CDH4: variants seen among roughly 807,000 people sequenced by gnomAD.
The protein encoded by CDH4 is cadherin-4.
A neutral mutation model predicts 86.0 loss-of-function variants in CDH4; 33 were observed. The ratio of observed to expected loss-of-function variants is 0.38; its 90% CI spans 0.29 to 0.51. CDH4 has a LOEUF of 0.51. Ranked by LOEUF, CDH4 falls within the 20% of genes least tolerant of loss-of-function variation. CDH4 has a pLI of 0.86. For missense variants in CDH4, 1,114 were observed against 1,307.4 expected, an observed-to-expected ratio of 0.85 and a Z score of 2.28; for synonymous variants, 555 against 549.4, an observed-to-expected ratio of 1.01 and a Z score of -0.14.
intron 2 of CDH4, among the ~76,000 whole-genome samples, chr20:61,528,902 G>A (rs1024150301): frequency 2.7e-5 from 4 of 150,896 alleles, no homozygotes; most frequent in African/African-American, 4.9e-5. Flanking sequence ...TATTATTACA[G>A]ATTTCTTACG....
At chr20:61,900,465 T>C (rs3787407) in intron 8 of CDH4, among the ~76,000 whole-genome samples, 113,155 of 151,794 alleles carry the variant, frequency 0.75, 44,552 homozygotes, top group Non-Finnish European at 0.88. Flanking sequence ...TTGCTCCTCC[T>C]ACCAGGGACG....
At position 61,408,733 on chromosome 20, in the gene CDH4, A is replaced by T. The variant is rs1039248099; in HGVS notation, c.169+153796A>T. Among the ~76,000 whole-genome samples, 34 of 24,152 alleles carry T rather than the reference A, an allele frequency of 1.4e-3. No homozygotes were observed. In the Middle Eastern group the frequency reaches 0.083, roughly 59 times the overall value. The allele number at this position is 24,152 out of a possible 152,430, so 15.8% of individuals were successfully genotyped here. A position where few individuals can be genotyped will look rare whatever the true frequency, so the allele number is the denominator to read the frequency against. On this transcript the variant is annotated intron_variant, in intron 2 of 15. Coordinates refer to ENST00000614565, the MANE Select transcript of CDH4 (RefSeq NM_001794.5). Reference sequence around the variant, plus strand: ...TCCATTTCATTTTGCATACAACACCATGGAATCACATGATGGAGAGTGAAG... The same window carrying T: ...TCCATTTCATTTTGCATACAACACCTTGGAATCACATGATGGAGAGTGAAG...
rs192783989 is a variant in CDH4, at chr20:61,711,590, C to G, written c.170-31973C>G. ...AAGGACGCTGTGAGGACACAGAGCC[C>G]ACCCAGATCATCTGGGATAATCTCC... On this transcript the variant is annotated intron_variant, in intron 2 of 15. Coordinates refer to ENST00000614565, the MANE Select transcript of CDH4 (RefSeq NM_001794.5). 8.2e-4 allele frequency among the ~76,000 whole-genome samples: 125 copies of G among 152,312 alleles called. 1 individual carries two copies. Among genetic ancestry groups the G allele is most frequent in the East Asian group, 7.5e-3 (39 of 5,178 alleles).
chr20:61,756,980 GA>G (rs1427197909), intron 3 of CDH4, among the ~76,000 whole-genome samples: 2 of 152,218 alleles, frequency 1.3e-5, no homozygotes, highest in Non-Finnish European at 1.5e-5. Context: ...CAACGGGACT[GA>G]AAAACAGCAA....
At chr20:61,928,128 G>C in intron 11 of CDH4, 62 bp from the exon 12 acceptor site, 1 of 1,251,432 alleles carries the variant, frequency 8.0e-7, no homozygotes, top group Admixed American at 1.7e-5. Flanking sequence ...CCTGTGTGGA[G>C]CTGTGGGTTG....
At chr20:61,400,984 C>T (rs959503443) in intron 2 of CDH4, among the ~76,000 whole-genome samples, 11 of 152,232 alleles carry the variant, frequency 7.2e-5, no homozygotes, top group East Asian at 3.9e-4. Context: ...CGCCAGCATG[C>T]AGATGCAACC....
At chr20:61,736,897 G>T (rs1002919448) in intron 2 of CDH4, among the ~76,000 whole-genome samples, 1 of 152,158 alleles carries the variant, frequency 6.6e-6, no homozygotes, top group African/African-American at 2.4e-5. Flanking sequence ...AGACGTGGGT[G>T]ACAGGCGGGG....
chr20:61,451,218 C>T (rs1295994738), intron 2 of CDH4, among the ~76,000 whole-genome samples: 2 of 150,912 alleles, frequency 1.3e-5, no homozygotes, highest in African/African-American at 4.9e-5. Flanking sequence ...CCTGGTGCTG[C>T]GGAAGCCTGA....
chr20:61,659,770 G>A (rs904233838), intron 2 of CDH4, among the ~76,000 whole-genome samples: 1 of 152,214 alleles, frequency 6.6e-6, no homozygotes, highest in Non-Finnish European at 1.5e-5. Context: ...GGAGGCAGGA[G>A]GAGGGGTGGG....
intron 2 of CDH4, among the ~76,000 whole-genome samples, chr20:61,301,901 T>C (rs2084388066): frequency 1.3e-5 from 2 of 152,256 alleles, no homozygotes; most frequent in Non-Finnish European, 2.9e-5. Flanking sequence ...AAAATCTGAA[T>C]GTTTGGGATT....
intron 2 of CDH4, among the ~76,000 whole-genome samples, chr20:61,553,174 A>G (rs1397605978): frequency 6.6e-6 from 1 of 152,260 alleles, no homozygotes; most frequent in African/African-American, 2.4e-5. Flanking sequence ...AAGTGAATGA[A>G]GACAGACACA....
intron 4 of CDH4, among the ~76,000 whole-genome samples, chr20:61,830,361 C>G (rs1413461959): frequency 1.3e-5 from 2 of 152,158 alleles, no homozygotes; most frequent in Non-Finnish European, 2.9e-5. Flanking sequence ...AAGCGTGCTT[C>G]CCCGGGACCC....
chr20:61,910,191 G>A (rs1344686048), intron 8 of CDH4, among the ~76,000 whole-genome samples: 1 of 152,014 alleles, frequency 6.6e-6, no homozygotes, highest in Non-Finnish European at 1.5e-5. Flanking sequence ...CTGACATGGT[G>A]TGTTCTGTTT....
chr20:61,331,626 T>TCCTGCCCCGACCA (rs1297962886), intron 2 of CDH4, among the ~76,000 whole-genome samples: 22 of 35,410 alleles, frequency 6.2e-4, no homozygotes, highest in African/African-American at 1.1e-3. Flanking sequence ...CAGGCCCACC[T>TCCTGCCCCGACCA]CCTGCCCCAG....
intron 2 of CDH4, among the ~76,000 whole-genome samples, chr20:61,389,212 G>T (rs776417396): frequency 2.6e-5 from 4 of 152,246 alleles, no homozygotes; most frequent in Admixed American, 1.3e-4. Context: ...AGGGAGGGGT[G>T]GGGGTGCAGG....
At chr20:61,446,617 A>T (rs780986573) in intron 2 of CDH4, among the ~76,000 whole-genome samples, 1 of 151,896 alleles carries the variant, frequency 6.6e-6, no homozygotes, top group Non-Finnish European at 1.5e-5. Flanking sequence ...ATTCTTGTGC[A>T]TGCGTTTTTC....
At chr20:61,713,332 G>A (rs1327676773) in intron 2 of CDH4, among the ~76,000 whole-genome samples, 2 of 152,214 alleles carry the variant, frequency 1.3e-5, no homozygotes, top group African/African-American at 2.4e-5. Context: ...CAGACCTCCT[G>A]CAAGGAGTGA....
chr20:61,921,122 C>T (rs1234570390), intron 9 of CDH4, among the ~76,000 whole-genome samples: 13 of 119,340 alleles, frequency 1.1e-4, no homozygotes, highest in Admixed American at 2.8e-4. Context: ...CGTGGTGTCA[C>T]GGTGATTGTG....
chr20:61,276,061 C>A (rs1350010700), intron 2 of CDH4, among the ~76,000 whole-genome samples: 1 of 152,068 alleles, frequency 6.6e-6, no homozygotes, highest in Admixed American at 6.5e-5. Context: ...AGCGGTGATA[C>A]GGGACGTGCA....
Sources: allele counts gnomAD v4.1 joint callset (sites outside exome capture counted in the v4.1 genomes callset), GRCh38; gene constraint gnomAD v4.1.1; transcripts MANE v1.5; gene names NCBI Gene and HGNC (gene_info 2026-07-23, HGNC 2026-07-21).